The following PRKAG2 variants were observed in gnomAD, a reference collection of about 807,000 sequenced individuals.
The protein encoded by PRKAG2 is protein kinase AMP-activated non-catalytic subunit gamma 2.
A neutral mutation model predicts 69.6 loss-of-function variants in PRKAG2; 26 were observed. That is an observed-to-expected ratio of 0.37 (90% CI 0.27 to 0.52). The LOEUF (loss-of-function observed/expected upper bound fraction) is 0.52, where lower values mean the gene tolerates loss of function less well. Ranked by LOEUF, PRKAG2 falls within the 20% of genes least tolerant of loss-of-function variation. The pLI, the probability that PRKAG2 is intolerant of heterozygous loss-of-function variation, is 0.90. For missense variants in PRKAG2, 557 were observed against 740.0 expected, an observed-to-expected ratio of 0.75 and a Z score of 2.87; for synonymous variants, 293 against 285.0, an observed-to-expected ratio of 1.03 and a Z score of -0.28.
chr7:151,736,147 G>T, intron 3 of PRKAG2: 1 of 1,457,034 alleles, frequency 6.9e-7, no homozygotes, highest in Non-Finnish European at 9.0e-7. Context: ...TCAGGTGACA[G>T]CCCGGGTTCA....
At chr7:151,773,233 GA>G (rs202040324) in intron 3 of PRKAG2, among the ~76,000 whole-genome samples, 2,074 of 149,340 alleles carry the variant, frequency 0.014, 28 homozygotes, top group Middle Eastern at 0.031. Flanking sequence ...GGAAAGAAAG[GA>G]AAGGAAAGAA....
chr7:151,683,047 T>C lies in PRKAG2; in HGVS notation c.467-7410A>G, dbSNP rs188487761. On this transcript the variant is annotated intron_variant, in intron 3 of 15. Coordinates refer to ENST00000287878, the MANE Select transcript of PRKAG2 (RefSeq NM_016203.4). The stretch of plus-strand genomic sequence containing the variant: ...TTTTTCCTGCTCCTTAAGGACTTTG[T>C]TTAGGACGCCGCCAGCCTCTGCAGT... Among the ~76,000 whole-genome samples, 3 of 152,310 alleles carry C rather than the reference T, an allele frequency of 2.0e-5. No homozygotes were observed. In the East Asian group the frequency reaches 5.8e-4, roughly 29 times the overall value.
intron 1 of PRKAG2, among the ~76,000 whole-genome samples, chr7:151,811,609 G>T (rs552261473): frequency 6.6e-6 from 1 of 152,384 alleles, no homozygotes; most frequent in African/African-American, 2.4e-5. Flanking sequence ...CCAATGAAAG[G>T]CTTGGCTGGA....
rs112987607 is a variant in PRKAG2 at position 151,585,780 on chromosome 7, G to A, written c.865-9328C>T. ...GCGTGGGGCACAAGAATGCTCTGGCGTACCCCCAGTTTCTCAGCTGGGGCT... is the reference window on the plus strand; with the variant it reads ...GCGTGGGGCACAAGAATGCTCTGGCATACCCCCAGTTTCTCAGCTGGGGCT... On this transcript the variant is annotated intron_variant, in intron 6 of 15. Transcript: ENST00000287878. 8.8e-3 allele frequency among the ~76,000 whole-genome samples: 1,347 copies of A among 152,220 alleles called. 29 individuals are homozygous for A. The highest frequency in any genetic ancestry group is 0.031 in the African/African-American group (1,282 of 41,532).
At chr7:151,729,375 G>A (rs1197455494) in intron 3 of PRKAG2, among the ~76,000 whole-genome samples, 3 of 151,948 alleles carry the variant, frequency 2.0e-5, no homozygotes, top group South Asian at 2.1e-4. Flanking sequence ...CACCAGGGCT[G>A]GACGGTTTTG....
intron 3 of PRKAG2, among the ~76,000 whole-genome samples, chr7:151,729,116 C>T (rs1051305390): frequency 1.4e-5 from 2 of 142,142 alleles, no homozygotes; most frequent in Admixed American, 7.9e-5. Flanking sequence ...GTAGGGAGAA[C>T]AGGCAGATGG....
At chr7:151,684,543 T>C (rs879772594) in intron 3 of PRKAG2, among the ~76,000 whole-genome samples, 3 of 152,056 alleles carry the variant, frequency 2.0e-5, no homozygotes, top group Non-Finnish European at 2.9e-5. Context: ...CACTGAATGA[T>C]AAGGCCCGTA....
intron 15 of PRKAG2, chr7:151,558,917 C>T: frequency 1.0e-6 from 1 of 985,402 alleles, no homozygotes; most frequent in Middle Eastern, 5.2e-4. Flanking sequence ...GAGGATGAAT[C>T]GCTTGACTTG....
intron 3 of PRKAG2, among the ~76,000 whole-genome samples, chr7:151,760,784 C>T (rs2075368796): frequency 2.0e-5 from 3 of 152,184 alleles, no homozygotes. Context: ...TGCTCCCGTG[C>T]CCCATCCCTC....
intron 5 of PRKAG2, among the ~76,000 whole-genome samples, chr7:151,621,246 T>C (rs1392095051): frequency 6.6e-6 from 1 of 152,192 alleles, no homozygotes; most frequent in African/African-American, 2.4e-5. Context: ...CTCCATATTT[T>C]CCTATGTTCT....
At chr7:151,603,177 AGG>A (rs1236766299) in intron 5 of PRKAG2, among the ~76,000 whole-genome samples, 16 of 132,096 alleles carry the variant, frequency 1.2e-4, no homozygotes, top group African/African-American at 4.8e-4. Context: ...CCGCACACGG[AGG>A]GACACGCTCC....
Position 151,876,658 on chromosome 7 carries a change from G to T in PRKAG2, c.-38C>A. 1.3e-6 allele frequency: 2 copies of T among 1,586,580 alleles called. No individual in the cohort carries two copies. Among genetic ancestry groups the T allele is most frequent in the Non-Finnish European group, 8.6e-7 (1 of 1,164,770 alleles). On this transcript the variant is annotated 5_prime_UTR_variant, in exon 1 of 16. Transcript: ENST00000287878. ...AAGTTGATTCTGCGAAACTCCTCGG[G>T]GGTTCGGTCCCCTCCTTCCCTCCCC...
rs538466167 is a variant in PRKAG2 at position 151,832,853 on chromosome 7, G to A, written c.114+43654C>T. 1.8e-3 allele frequency among the ~76,000 whole-genome samples: 271 copies of A among 152,196 alleles called. 3 individuals carry two copies. Among genetic ancestry groups the A allele is most frequent in the Middle Eastern group, 0.01 (3 of 294 alleles). On this transcript the variant is annotated intron_variant, in intron 1 of 15. Transcript: ENST00000287878. ...ATCCCAGGCGAGCAGTTAGGACGGT[G>A]GCCATTTCCAGGGAGGCCCCGTGCC...
chr7:151,591,003 G>A (rs1812974631), intron 6 of PRKAG2, among the ~76,000 whole-genome samples: 1 of 152,220 alleles, frequency 6.6e-6, no homozygotes, highest in Non-Finnish European at 1.5e-5. Flanking sequence ...GAACTATACA[G>A]GAGGAATCCA....
intron 14 of PRKAG2, among the ~76,000 whole-genome samples, chr7:151,561,950 G>A (rs2150979160): frequency 2.2e-5 from 2 of 92,106 alleles, no homozygotes; most frequent in Non-Finnish European, 2.2e-5. Flanking sequence ...AAAAAAAAAA[G>A]GCTTTGGAAC....
chr7:151,865,060 G>A (rs1181349070), intron 1 of PRKAG2, among the ~76,000 whole-genome samples: 1 of 152,198 alleles, frequency 6.6e-6, no homozygotes, highest in African/African-American at 2.4e-5. Context: ...TTAAGTGACT[G>A]GTTCCGCTCA....
intron 3 of PRKAG2, among the ~76,000 whole-genome samples, chr7:151,695,296 C>T (rs1836420173): frequency 6.6e-6 from 1 of 152,216 alleles, no homozygotes; most frequent in Non-Finnish European, 1.5e-5. Flanking sequence ...CACCGCCTGT[C>T]ACCTTGATCT....
At chr7:151,741,137 C>G (rs544308472) in intron 3 of PRKAG2, among the ~76,000 whole-genome samples, 37 of 151,816 alleles carry the variant, frequency 2.4e-4, no homozygotes, top group South Asian at 4.2e-4. Context: ...TGCTTGAGCC[C>G]GGGAGGTCCA....
chr7:151,560,508 G>C lies in PRKAG2; in HGVS notation c.1678+16C>G, dbSNP rs761012285. 7 of 1,614,114 alleles carry C rather than the reference G, an allele frequency of 4.3e-6. No individual in the cohort carries two copies. Among genetic ancestry groups the C allele is most frequent in the Non-Finnish European group, 5.9e-6 (7 of 1,179,996 alleles). On this transcript the variant is annotated intron_variant, in intron 15 of 15. Transcript: ENST00000287878. ...TCCTAGACGCCGATGGCAAAGGTCAGAAACCAGCATTTTACCTGCTGGTGT... is the reference window on the plus strand; with the variant it reads ...TCCTAGACGCCGATGGCAAAGGTCACAAACCAGCATTTTACCTGCTGGTGT...
Sources: gnomAD v4.1 joint callset for allele counts (sites outside exome capture counted in the v4.1 genomes callset) on GRCh38, gnomAD v4.1.1 for gene constraint, MANE v1.5 for transcripts, NCBI Gene and HGNC (gene_info 2026-07-23, HGNC 2026-07-21) for gene names.